Variants in POU2F1 observed in about 807,000 individuals in gnomAD.
POU2F1 encodes the protein POU class 2 homeobox 1, also known as POU domain, class 2, transcription factor 1.
In POU2F1, 16 loss-of-function variants were observed where a neutral mutation model predicts 84.9. The observed-to-expected ratio is 0.19, with a 90% confidence interval of 0.13 to 0.29. The LOEUF is 0.29. Ranked by LOEUF, POU2F1 falls within the 10% of genes least tolerant of loss-of-function variation. The probability of loss-of-function intolerance (pLI) is 1.00; values close to 1 mark genes in which losing one functional copy is unlikely to be tolerated. For missense variants in POU2F1, 738 were observed against 942.6 expected (o/e 0.78, Z 2.84); for synonymous variants, 368 against 368.3 (o/e 1.00, Z 0.01).
intron 1 of POU2F1, among the ~76,000 whole-genome samples, chr1:167,322,325 T>C (rs1197191992): frequency 6.6e-6 from 1 of 152,226 alleles, no homozygotes; most frequent in Non-Finnish European, 1.5e-5. Flanking sequence ...GAAGTAGATA[T>C]AACAATTTGA....
At chr1:167,336,728 T>A (rs1467360178) in intron 2 of POU2F1, among the ~76,000 whole-genome samples, 3 of 152,202 alleles carry the variant, frequency 2.0e-5, no homozygotes, top group Non-Finnish European at 2.9e-5. Context: ...AAATACCTTT[T>A]TATTTCATTG....
intron 1 of POU2F1, among the ~76,000 whole-genome samples, chr1:167,263,069 G>T (rs755160123): frequency 1.3e-5 from 2 of 152,166 alleles, no homozygotes; most frequent in Non-Finnish European, 2.9e-5. Context: ...TAATGAATGA[G>T]AAAATGAAAG....
intron 1 of POU2F1, among the ~76,000 whole-genome samples, chr1:167,312,539 A>T (rs994573602): frequency 4.0e-5 from 6 of 150,038 alleles, no homozygotes; most frequent in Non-Finnish European, 5.9e-5. Flanking sequence ...TAAAAGTCAA[A>T]TTTTTTTTTT....
intron 1 of POU2F1, among the ~76,000 whole-genome samples, chr1:167,283,943 G>A (rs1653345615): frequency 6.6e-6 from 1 of 152,036 alleles, no homozygotes; most frequent in Admixed American, 6.6e-5. Flanking sequence ...TAAATACTTT[G>A]AATTTAACTA....
rs1313460275 is a variant in POU2F1 at position 167,419,943 on chromosome 1, C to A, written c.*4133C>A. ...GCCAATTTGTTGTACATCTCTCATT[C>A]ATTGTTGGGGGAAAAAAAAGCACAA... is the stretch of plus-strand genomic sequence containing the variant. On this transcript the variant is annotated 3_prime_UTR_variant, in exon 16 of 16. Coordinates refer to ENST00000367866, the MANE Select transcript of POU2F1 (RefSeq NM_002697.4). The A allele has an allele frequency of 4.6e-5, 7 of 152,024 alleles. No homozygotes were observed. Among genetic ancestry groups the A allele is most frequent in the Non-Finnish European group, 8.8e-5 (6 of 68,004 alleles). 9.4% of individuals were successfully genotyped at this position (152,024 alleles called of 1,614,324 possible).
At chr1:167,286,456 A>G (rs1557869394) in intron 1 of POU2F1, among the ~76,000 whole-genome samples, 1 of 152,236 alleles carries the variant, frequency 6.6e-6, no homozygotes, top group Non-Finnish European at 1.5e-5. Flanking sequence ...TGTCTTAAAA[A>G]TATAGAGAGC....
At chr1:167,260,651 CAG>C (rs1651495436) in intron 1 of POU2F1, among the ~76,000 whole-genome samples, 1 of 152,158 alleles carries the variant, frequency 6.6e-6, no homozygotes, top group Non-Finnish European at 1.5e-5. Flanking sequence ...CTCTGTCATA[CAG>C]AGTTTCCACA....
chr1:167,381,384 A>G (rs1412676420), intron 7 of POU2F1, among the ~76,000 whole-genome samples: 1 of 151,416 alleles, frequency 6.6e-6, no homozygotes, highest in East Asian at 2.0e-4. Flanking sequence ...CGCCTGGCCA[A>G]GCATTGGTTT....
At chr1:167,240,103 A>G (rs569500418) in intron 1 of POU2F1, among the ~76,000 whole-genome samples, 1 of 152,334 alleles carries the variant, frequency 6.6e-6, no homozygotes, top group Admixed American at 6.5e-5. Flanking sequence ...AATAAAATTA[A>G]CATAATATAT....
chr1:167,288,212 G>A (rs745680830), intron 1 of POU2F1, among the ~76,000 whole-genome samples: 3 of 152,110 alleles, frequency 2.0e-5, no homozygotes, highest in Non-Finnish European at 2.9e-5. Flanking sequence ...AGTAAACTAC[G>A]CTTATTTTAT....
At chr1:167,344,776 G>A (rs556550594) in intron 2 of POU2F1, among the ~76,000 whole-genome samples, 9 of 152,124 alleles carry the variant, frequency 5.9e-5, no homozygotes, top group African/African-American at 1.9e-4. Context: ...AATGGGAGGG[G>A]ACGTTAGAAG....
chr1:167,314,952 T>C (rs1017579377), intron 1 of POU2F1, among the ~76,000 whole-genome samples: 2 of 152,164 alleles, frequency 1.3e-5, no homozygotes, highest in Admixed American at 6.5e-5. Context: ...TAGTGAGTTC[T>C]CATGGGATCT....
chr1:167,299,654 C>T (rs777442837), intron 1 of POU2F1, among the ~76,000 whole-genome samples: 33 of 150,388 alleles, frequency 2.2e-4, no homozygotes, highest in African/African-American at 7.5e-4. Context: ...ATCTTTTAGA[C>T]GGTGAGATAT....
At position 167,282,109 on chromosome 1, in the gene POU2F1, A is replaced by G. The variant is rs1653185166; in HGVS notation, c.62-50361A>G. Among the ~76,000 whole-genome samples, 5 of 151,200 alleles carry G rather than the reference A, an allele frequency of 3.3e-5. No homozygotes were observed. The South Asian group carries it at 1.0e-3, about 32-fold the overall frequency. On this transcript the variant is annotated intron_variant, in intron 1 of 15. Coordinates refer to ENST00000367866, the MANE Select transcript of POU2F1 (RefSeq NM_002697.4). ...TACTTACTCCCTCAAATCTATATTC[A>G]TACTGTTACTTAAGTAAACAAAAGA...
intron 1 of POU2F1, among the ~76,000 whole-genome samples, chr1:167,225,405 T>G (rs1337861933): frequency 6.6e-6 from 1 of 152,242 alleles, no homozygotes; most frequent in Non-Finnish European, 1.5e-5. Context: ...TTCTGCCATA[T>G]TTTAAATTTA....
At chr1:167,247,115 GC>G (rs1194035203) in intron 1 of POU2F1, among the ~76,000 whole-genome samples, 4 of 150,972 alleles carry the variant, frequency 2.6e-5, no homozygotes, top group African/African-American at 9.7e-5. Context: ...TCACTCTGTC[GC>G]CCAGGATGAA....
At chr1:167,396,621 T>C in intron 10 of POU2F1, 194 bp downstream of exon 10, 4 of 593,260 alleles carry the variant, frequency 6.7e-6, no homozygotes, top group Non-Finnish European at 1.1e-5. Context: ...TTCTAGTAAT[T>C]ACAGTATAAA....
intron 1 of POU2F1, among the ~76,000 whole-genome samples, chr1:167,321,049 G>A (rs1656278110): frequency 6.6e-6 from 1 of 152,194 alleles, no homozygotes; most frequent in Non-Finnish European, 1.5e-5. Flanking sequence ...GGGGTAAAGA[G>A]TAGTAGTCTG....
intron 2 of POU2F1, among the ~76,000 whole-genome samples, chr1:167,337,128 A>C (rs769648174): frequency 2.0e-5 from 3 of 150,008 alleles, no homozygotes; most frequent in Non-Finnish European, 4.4e-5. Context: ...GGGCCATTGC[A>C]CTCCAGCCTG....
Sources: allele counts gnomAD v4.1 joint callset (sites outside exome capture counted in the v4.1 genomes callset), GRCh38; gene constraint gnomAD v4.1.1; transcripts MANE v1.5; gene names NCBI Gene and HGNC (gene_info 2026-07-23, HGNC 2026-07-21).